Variants in NLGN4X observed in about 807,000 individuals in gnomAD.
The protein encoded by NLGN4X is neuroligin-4, X-linked.
A neutral mutation model predicts 40.3 loss-of-function variants in NLGN4X; 3 were observed. The ratio of observed to expected loss-of-function variants is 0.07; its 90% CI spans 0.03 to 0.19. NLGN4X has a LOEUF of 0.19. Among genes scored for constraint, NLGN4X ranks in the 10% least tolerant of loss-of-function variants. The probability of loss-of-function intolerance (pLI) is 1.00; values close to 1 mark genes in which losing one functional copy is unlikely to be tolerated. For synonymous variants in NLGN4X, 270 were observed against 306.8 expected (o/e 0.88, Z 1.25); for missense variants, 382 against 708.3 (o/e 0.54, Z 5.23).
intron 3 of NLGN4X, among the ~76,000 whole-genome samples, chrX:5,925,853 T>C (rs5916275): frequency 0.04 from 1,801 of 45,142 alleles, 40 homozygotes; most frequent in Non-Finnish European, 0.043. Context: ...TACATACACA[T>C]ATATATATAT....
chrX:6,020,767 TA>T (rs1030809842), intron 3 of NLGN4X, among the ~76,000 whole-genome samples: 1 of 110,354 alleles, frequency 9.1e-6, no homozygotes, highest in African/African-American at 3.3e-5. Context: ...AAGCACAAAA[TA>T]AAAAAAATTC....
At chrX:6,081,630 G>T (rs2038352156) in intron 2 of NLGN4X, among the ~76,000 whole-genome samples, 1 of 111,672 alleles carries the variant, frequency 9.0e-6, no homozygotes, top group Admixed American at 9.5e-5. Flanking sequence ...TTTGGAAAGG[G>T]CTGCAGGCAA....
intron 2 of NLGN4X, among the ~76,000 whole-genome samples, chrX:6,130,486 A>C (rs2147618420): frequency 8.9e-6 from 1 of 112,686 alleles, no homozygotes; most frequent in Admixed American, 9.4e-5. Context: ...CTCTGTTGCT[A>C]GTAGCATTAC....
At chrX:5,941,943 T>C (rs1456236979) in intron 3 of NLGN4X, among the ~76,000 whole-genome samples, 1 of 112,012 alleles carries the variant, frequency 8.9e-6, no homozygotes, top group East Asian at 2.8e-4. Flanking sequence ...TTTCTACATG[T>C]TGAGTCTTTT....
intron 2 of NLGN4X, among the ~76,000 whole-genome samples, chrX:6,129,802 TA>T (rs66886928): frequency 0.35 from 36,289 of 104,201 alleles, 5,435 homozygotes; most frequent in Middle Eastern, 0.6. Flanking sequence ...GTGAAATGTT[TA>T]AAAAAAAAAA....
At position 5,957,556 on chromosome X, in the gene NLGN4X, C is replaced by G. The variant is rs138436126; in HGVS notation, c.626-48317G>C. Among the ~76,000 whole-genome samples the G allele has an allele frequency of 5.3e-5, 6 of 112,259 alleles. No homozygotes were observed. In the East Asian group the frequency reaches 1.7e-3, roughly 31 times the overall value. ...CAGTATCTCCATGTGTACGTCAGAG[C>G]AGCCATTGGTCACCCTCTGCCTGAT... On this transcript the variant is annotated intron_variant, in intron 3 of 5. Coordinates refer to ENST00000381095, the MANE Select transcript of NLGN4X (RefSeq NM_181332.3).
chrX:6,222,095 T>G (rs1325857430), intron 1 of NLGN4X, among the ~76,000 whole-genome samples: 11 of 111,744 alleles, frequency 9.8e-5, no homozygotes, highest in Non-Finnish European at 1.9e-4. Context: ...CCCAAGTTCC[T>G]TTTCAGCTTA....
intron 1 of NLGN4X, among the ~76,000 whole-genome samples, chrX:6,174,916 T>G: frequency 9.0e-6 from 1 of 110,590 alleles, no homozygotes. Flanking sequence ...AACCTACACA[T>G]GTACCCCCTG....
In NLGN4X at chrX:6,082,948, G is replaced by GTTTTTTTTTTTT. The variant is rs930625574; in HGVS notation, c.473-53517_473-53516insAAAAAAAAAAAA. Among the ~76,000 whole-genome samples, 26 of 70,352 alleles carry GTTTTTTTTTTTT rather than the reference G, an allele frequency of 3.7e-4. 3 individuals are homozygous for GTTTTTTTTTTTT. The highest frequency in any genetic ancestry group is 6.8e-4 in the South Asian group (1 of 1,475). The allele number at this position is 70,352 out of a possible 115,157, so 61.1% of individuals were successfully genotyped here. A position where few individuals can be genotyped will look rare whatever the true frequency, so the allele number is the denominator to read the frequency against. On this transcript the variant is annotated intron_variant, in intron 2 of 5. Coordinates refer to ENST00000381095, the MANE Select transcript of NLGN4X (RefSeq NM_181332.3). Reference sequence around the variant, plus strand: ...AAAAAAAGAGATTTTGCCATGATGCGTTTTTTTCTTTTTTTTTTTTTTTTT... The same window carrying GTTTTTTTTTTTT: ...AAAAAAAGAGATTTTGCCATGATGCGTTTTTTTTTTTTTTTTTTTCTTTTTTTTTTTTTTTTT...
chrX:5,993,675 A>G (rs1234376358), intron 3 of NLGN4X, among the ~76,000 whole-genome samples: 4 of 112,050 alleles, frequency 3.6e-5, no homozygotes, highest in Non-Finnish European at 5.6e-5. Flanking sequence ...GGGGCACAGC[A>G]AAGACAGTGG....
chrX:6,011,919 G>GAA (rs1316897639), intron 3 of NLGN4X, among the ~76,000 whole-genome samples: 4 of 106,409 alleles, frequency 3.8e-5, no homozygotes, highest in Non-Finnish European at 7.8e-5. Flanking sequence ...AGTTGAGTTT[G>GAA]AAAAAAAAAA....
intron 1 of NLGN4X, among the ~76,000 whole-genome samples, chrX:6,152,969 G>A (rs1223064778): frequency 8.9e-6 from 1 of 112,159 alleles, no homozygotes; most frequent in Non-Finnish European, 1.9e-5. Context: ...TACATAAGTC[G>A]CTGCTCCTGT....
intron 1 of NLGN4X, among the ~76,000 whole-genome samples, chrX:6,174,258 C>CA (rs1291183772): frequency 1.2e-3 from 127 of 103,773 alleles, no homozygotes; most frequent in African/African-American, 2.0e-3. Context: ...ATTAAATAGT[C>CA]AAAAAAAAAA....
At chrX:6,027,660 A>G (rs964863359) in intron 3 of NLGN4X, among the ~76,000 whole-genome samples, 4 of 110,067 alleles carry the variant, frequency 3.6e-5, no homozygotes, top group Admixed American at 9.7e-5. Context: ...AGGAAAAAAA[A>G]AAACCCACTC....
At chrX:6,172,581 T>C (rs2040631254) in intron 1 of NLGN4X, among the ~76,000 whole-genome samples, 1 of 112,174 alleles carries the variant, frequency 8.9e-6, no homozygotes, top group African/African-American at 3.2e-5. Context: ...TCATATCTCC[T>C]ACAAGTTACA....
chrX:5,986,045 G>A lies in NLGN4X; in HGVS notation c.625+43235C>T, dbSNP rs191379747. On this transcript the variant is annotated intron_variant, in intron 3 of 5. Transcript: ENST00000381095. ...AGATTTTAAAACATCCATAAACATCGTGGGAAAATTTAATAGACCTATTTT... is the reference window on the plus strand; with the variant it reads ...AGATTTTAAAACATCCATAAACATCATGGGAAAATTTAATAGACCTATTTT... Among the ~76,000 whole-genome samples, 156 of 111,799 alleles carry A rather than the reference G, an allele frequency of 1.4e-3. 1 individual carries two copies. The highest frequency in any genetic ancestry group is 5.0e-3 in the African/African-American group (153 of 30,819).
chrX:6,021,382 T>C (rs185218594), intron 3 of NLGN4X, among the ~76,000 whole-genome samples: 1 of 109,662 alleles, frequency 9.1e-6, no homozygotes, highest in African/African-American at 3.3e-5. Flanking sequence ...GGTGAGAGAG[T>C]CCTTATCCCA....
chrX:6,015,197 C>T (rs755120887), intron 3 of NLGN4X, among the ~76,000 whole-genome samples: 5 of 111,494 alleles, frequency 4.5e-5, no homozygotes, highest in Admixed American at 1.9e-4. Flanking sequence ...GGGATTTTTT[C>T]TCTGTTTTGT....
intron 2 of NLGN4X, among the ~76,000 whole-genome samples, chrX:6,086,045 T>C (rs1419352650): frequency 8.9e-6 from 1 of 112,022 alleles, no homozygotes; most frequent in African/African-American, 3.2e-5. Flanking sequence ...CACTAAAAAA[T>C]ACTATTATTA....
Sources: allele counts gnomAD v4.1 joint callset (sites outside exome capture counted in the v4.1 genomes callset), GRCh38; gene constraint gnomAD v4.1.1; transcripts MANE v1.5; gene names NCBI Gene and HGNC (gene_info 2026-07-23, HGNC 2026-07-21).